Variants in ZNF628 observed in about 807,000 individuals in gnomAD.
ZNF628 encodes zinc finger protein 628, also known as zinc finger protein Zec.
A neutral mutation model predicts 2.5 loss-of-function variants in ZNF628; 3 were observed. That is an observed-to-expected ratio of 1.19 (90% CI 0.54 to 3.07). ZNF628 has a LOEUF of 3.07. Ranked by LOEUF, ZNF628 falls within the 30% of genes most tolerant of loss-of-function variation. The pLI is 0.03. For synonymous variants in ZNF628, 861 were observed against 717.1 expected (o/e 1.20, Z -3.21); for missense variants, 1,610 against 1,517.1 (o/e 1.06, Z -1.02).
chr19:55,482,612 G>A lies in ZNF628; in HGVS notation c.1419G>A (p.Leu473=), dbSNP rs1986761274. Residue 473 remains leucine, a synonymous_variant, in exon 3 of 3, where the codon CTG becomes CTA. Coordinates refer to ENST00000598519, the MANE Select transcript of ZNF628 (RefSeq NM_033113.3). ...FKGSSGLRYH[L]RDHTGERPYQ... Reference sequence around the variant, plus strand: ...GCTCCTCCGGGCTGCGCTACCACCTGCGGGACCACACGGGCGAGCGGCCCT... The same window carrying A: ...GCTCCTCCGGGCTGCGCTACCACCTACGGGACCACACGGGCGAGCGGCCCT... The A allele has an allele frequency of 3.7e-6, 6 of 1,607,286 alleles. No homozygotes were observed. The highest frequency in any genetic ancestry group is 5.1e-6 in the Non-Finnish European group (6 of 1,178,074).
rs1986657901 is a variant in ZNF628 at position 55,479,997 on chromosome 19, G to T, written c.7+80G>T. 2.5e-6 allele frequency: 1 copy of T among 398,728 alleles called. No individual in the cohort carries two copies. Among genetic ancestry groups the T allele is most frequent in the Non-Finnish European group, 4.4e-6 (1 of 226,016 alleles). 24.7% of individuals were successfully genotyped at this position (398,728 alleles called of 1,614,324 possible). On this transcript the variant is annotated intron_variant, in intron 2 of 2. Transcript: ENST00000598519. The surrounding 1 kb of genome is among the most constrained non-coding windows in gnomAD (Gnocchi z 5.1). The stretch of plus-strand genomic sequence containing the variant: ...TGATGGTGAGGGGGCCGCAGATTTT[G>T]TGGGCTTGAAGGGAAAGTGAGACTG...
intron 1 of ZNF628, among the ~76,000 whole-genome samples, chr19:55,478,360 A>G (rs991844483): frequency 2.0e-5 from 3 of 152,188 alleles, no homozygotes; most frequent in African/African-American, 7.2e-5. Context: ...GAAGACTCGG[A>G]GGTGAAAGAG....
Position 55,484,208 on chromosome 19 carries a change from G to A in ZNF628, c.3015G>A (p.Pro1005=), listed in dbSNP as rs761135095. 3.9e-6 allele frequency: 6 copies of A among 1,546,454 alleles called. No homozygotes were observed. Among genetic ancestry groups the A allele is most frequent in the Non-Finnish European group, 4.4e-6 (5 of 1,145,730 alleles). Residue 1005 remains proline, a synonymous_variant, in exon 3 of 3, where the codon CCG becomes CCA. Transcript: ENST00000598519. The part of the protein sequence containing the change: ...TATLQLLAPP[P]SGPASGPAGL... Reference sequence around the variant, plus strand: ...CGCTGCAGCTCCTGGCCCCACCGCCGTCAGGCCCAGCCTCGGGCCCCGCGG... The same window carrying A: ...CGCTGCAGCTCCTGGCCCCACCGCCATCAGGCCCAGCCTCGGGCCCCGCGG...
chr19:55,479,852 G>T lies in ZNF628; in HGVS notation c.-59G>T. 1 of 400,088 alleles carries T rather than the reference G, an allele frequency of 2.5e-6. No homozygotes were observed. Among genetic ancestry groups the T allele is most frequent in the Admixed American group, 4.4e-5 (1 of 22,752 alleles). 24.8% of individuals were successfully genotyped at this position (400,088 alleles called of 1,614,324 possible). ...TTCACAGAGGCATGATCAAGGACAG[G>T]GTTGCCTGCCAAGAACAGGAGGGGA... On this transcript the variant is annotated 5_prime_UTR_variant, in exon 2 of 3. Transcript: ENST00000598519. The surrounding 1 kb of genome is among the most constrained non-coding windows in gnomAD (Gnocchi z 5.1).
Position 55,482,455 on chromosome 19 carries a change from C to G in ZNF628, c.1262C>G (p.Ala421Gly). 1 of 1,389,262 alleles carries G rather than the reference C, an allele frequency of 7.2e-7. No individual in the cohort carries two copies. The highest frequency in any genetic ancestry group is 9.3e-7 in the Non-Finnish European group (1 of 1,078,526). The allele number at this position is 1,389,262 out of a possible 1,614,324, so 86.1% of individuals were successfully genotyped here. Residue 421 changes from alanine to glycine, a missense_variant, in exon 3 of 3, where the codon GCT becomes GGT. Physicochemically the swap from Ala to Gly is moderately conservative, Grantham distance 60. This residue lies in a region of ZNF628 where 651 missense variants were observed against 575.6 expected (regional missense o/e 1.13). Transcript: ENST00000598519. ...EAAAGRPPPQ[A>G]EAAEVTCPQE... ...GCGGCCGGGCGCCCGCCCCCGCAGG[C>G]TGAGGCTGCGGAGGTGACCTGCCCC...
At position 55,483,078 on chromosome 19, in the gene ZNF628, C is replaced by G. The variant is rs777873726; in HGVS notation, c.1885C>G (p.Arg629Gly). The change falls in exon 3 of 3, where the codon CGC becomes GGC. Residue 629 changes from arginine to glycine, a missense_variant. This residue lies in a region of ZNF628 where 712 missense variants were observed against 603.6 expected (regional missense o/e 1.18). Coordinates refer to ENST00000598519, the MANE Select transcript of ZNF628 (RefSeq NM_033113.3). Reference sequence around the variant, plus strand: ...CCCCTTCACCTGCCCCATCTGCGGTCGCGGCTTCGTTATGGCCGCCTATCT... The same window carrying G: ...CCCCTTCACCTGCCCCATCTGCGGTGGCGGCTTCGTTATGGCCGCCTATCT... The part of the protein sequence containing the change: ...ERPFTCPICG[R>G]GFVMAAYLQR... The G allele has an allele frequency of 6.2e-7, 1 of 1,609,064 alleles. No individual in the cohort carries two copies. Among genetic ancestry groups the G allele is most frequent in the Non-Finnish European group, 8.5e-7 (1 of 1,179,348 alleles).
Position 55,481,783 on chromosome 19 carries a change from T to A in ZNF628, c.590T>A (p.Val197Glu), listed in dbSNP as rs1383142412. 3 of 1,603,558 alleles carry A rather than the reference T, an allele frequency of 1.9e-6. No individual in the cohort carries two copies. Among genetic ancestry groups the A allele is most frequent in the Non-Finnish European group, 2.6e-6 (3 of 1,176,222 alleles). The change falls in exon 3 of 3, where the codon GTG (valine) becomes GAG (glutamate). Residue 197 changes from valine to glutamate, a missense_variant. Val to Glu is a moderately radical substitution (Grantham distance 121). This residue lies in a region of ZNF628 where 166 missense variants were observed against 241.3 expected (regional missense o/e 0.69). Coordinates refer to ENST00000598519, the MANE Select transcript of ZNF628 (RefSeq NM_033113.3). ...QSTNLRQHQR[V>E]HTGERPFRCP... ...ACCAACCTGCGGCAGCACCAGCGCG[T>A]GCACACGGGCGAGCGGCCCTTCCGC...
chr19:55,484,425 C>A lies in ZNF628; in HGVS notation c.*52C>A, dbSNP rs575076296. The A allele has an allele frequency of 1.2e-5, 16 of 1,391,270 alleles. No individual in the cohort carries two copies. The East Asian group carries it at 2.4e-4, about 21-fold the overall frequency. 86.2% of individuals were successfully genotyped at this position (1,391,270 alleles called of 1,614,324 possible). A position where few individuals can be genotyped will look rare whatever the true frequency, so the allele number is the denominator to read the frequency against. On this transcript the variant is annotated 3_prime_UTR_variant, in exon 3 of 3. Transcript: ENST00000598519. ...CCGCACAGAGACCCCGACTCACTGC[C>A]AGCCGGGGCGGGGCAGGGTGCCGCA...
chr19:55,479,106 G>A lies in ZNF628; in HGVS notation c.-77-728G>A, dbSNP rs747852141. ...GAGGACAGACAGAGGACAAAGTGGTGCCGGAGCCCCGGGCGCTCCCACATC... is the reference window on the plus strand; with the variant it reads ...GAGGACAGACAGAGGACAAAGTGGTACCGGAGCCCCGGGCGCTCCCACATC... On this transcript the variant is annotated intron_variant, in intron 1 of 2. Transcript: ENST00000598519. This position sits in a 1 kb window ranked among gnomAD's most constrained non-coding sequence, Gnocchi z 5.1. 2.9e-4 allele frequency among the ~76,000 whole-genome samples: 44 copies of A among 152,140 alleles called. No homozygotes were observed. Among genetic ancestry groups the A allele is most frequent in the Non-Finnish European group, 4.9e-4 (33 of 68,030 alleles).
chr19:55,484,448 G>C lies in ZNF628; in HGVS notation c.*75G>C. The C allele has an allele frequency of 7.7e-7, 1 of 1,303,122 alleles. No homozygotes were observed. Among genetic ancestry groups the C allele is most frequent in the African/African-American group, 1.5e-5 (1 of 66,684 alleles). 80.7% of individuals were successfully genotyped at this position (1,303,122 alleles called of 1,614,324 possible). On this transcript the variant is annotated 3_prime_UTR_variant, in exon 3 of 3. Coordinates refer to ENST00000598519, the MANE Select transcript of ZNF628 (RefSeq NM_033113.3). Reference sequence around the variant, plus strand: ...GCCAGCCGGGGCGGGGCAGGGTGCCGCAGGCTGGGCTTGCTAATAAAGACC... The same window carrying C: ...GCCAGCCGGGGCGGGGCAGGGTGCCCCAGGCTGGGCTTGCTAATAAAGACC...
In ZNF628 at chr19:55,481,557, T is replaced by C; in HGVS notation, c.364T>C (p.Cys122Arg). Residue 122 changes from cysteine to arginine, a missense_variant, in exon 3 of 3, where the codon TGC becomes CGC. By Grantham distance (180) the Cys-to-Arg change is radical. Transcript: ENST00000598519. Reference protein sequence around the residue: ...SVHTGLRAFICGQCGLAFKWS... With the variant: ...SVHTGLRAFIRGQCGLAFKWS... ...GCACACCGGCCTGCGGGCCTTCATCTGCGGCCAGTGCGGCCTGGCCTTCAA... is the reference window on the plus strand; with the variant it reads ...GCACACCGGCCTGCGGGCCTTCATCCGCGGCCAGTGCGGCCTGGCCTTCAA... 1.2e-6 allele frequency: 2 copies of C among 1,613,364 alleles called. No individual in the cohort carries two copies. The highest frequency in any genetic ancestry group is 1.7e-6 in the Non-Finnish European group (2 of 1,179,694).
At position 55,479,865 on chromosome 19, in the gene ZNF628, G is replaced by A. The variant is rs956000570; in HGVS notation, c.-46G>A. The A allele has an allele frequency of 5.0e-6, 2 of 400,874 alleles. No individual in the cohort carries two copies. The highest frequency in any genetic ancestry group is 3.5e-5 in the East Asian group (1 of 28,370). The allele number at this position is 400,874 out of a possible 1,614,324, so 24.8% of individuals were successfully genotyped here. On this transcript the variant is annotated 5_prime_UTR_variant, in exon 2 of 3. Transcript: ENST00000598519. This position sits in a 1 kb window ranked among gnomAD's most constrained non-coding sequence, Gnocchi z 5.1. Reference sequence around the variant, plus strand: ...GATCAAGGACAGGGTTGCCTGCCAAGAACAGGAGGGGAGAGGAGGGGCTGG... The same window carrying A: ...GATCAAGGACAGGGTTGCCTGCCAAAAACAGGAGGGGAGAGGAGGGGCTGG...
rs1446961592 is a variant in ZNF628 at position 55,483,488 on chromosome 19, G to C, written c.2295G>C (p.Gly765=). ...GRARQGPRAV[G]KAGQGAGVVW... is the part of the protein sequence containing the mutation. ...CAAGGCAGGGCCCGCGGGCAGTGGG[G>C]AAAGCGGGCCAGGGGGCGGGAGTGG... The change falls in exon 3 of 3, where the codon GGG becomes GGC. Residue 765 remains glycine (G), a synonymous_variant. Transcript: ENST00000598519. 1 of 1,534,622 alleles carries C rather than the reference G, an allele frequency of 6.5e-7. No individual in the cohort carries two copies. The highest frequency in any genetic ancestry group is 8.8e-7 in the Non-Finnish European group (1 of 1,142,794).
rs767545312 is a variant in ZNF628, at chr19:55,483,177, C to T, written c.1984C>T (p.Pro662Ser). The change falls in exon 3 of 3, where the codon CCC becomes TCC. Residue 662 changes from proline (P) to serine (S), a missense_variant. By Grantham distance (74) the Pro-to-Ser change is moderately conservative. Coordinates refer to ENST00000598519, the MANE Select transcript of ZNF628 (RefSeq NM_033113.3). ...CACAGCCCCTGCCGCCGGCCCCCAG[C>T]CCCCTGCTCCACTGGCTGCTGCGCG... is the stretch of plus-strand genomic sequence containing the variant. ...STTAPAAGPQ[P>S]PAPLAAARAP... 62 of 1,548,196 alleles carry T rather than the reference C, an allele frequency of 4.0e-5. No individual in the cohort carries two copies. In the African/African-American group the frequency reaches 7.1e-4, roughly 18 times the overall value.
chr19:55,482,655 G>C lies in ZNF628; in HGVS notation c.1462G>C (p.Gly488Arg). ...GCGGCCCTACCAGTGTGGCGAGTGC[G>C]GCAAGGCCTTCAAGCGCTCCTCCCT... ...GERPYQCGEC[G>R]KAFKRSSLLA... Residue 488 changes from glycine to arginine, a missense_variant, in exon 3 of 3, where the codon GGC becomes CGC. Gly to Arg is a moderately radical substitution (Grantham distance 125). Coordinates refer to ENST00000598519, the MANE Select transcript of ZNF628 (RefSeq NM_033113.3). 6.2e-7 allele frequency: 1 copy of C among 1,608,614 alleles called. No homozygotes were observed. The highest frequency in any genetic ancestry group is 8.5e-7 in the Non-Finnish European group (1 of 1,178,518).
chr19:55,477,237 A>T (rs1311934507), intron 1 of ZNF628, among the ~76,000 whole-genome samples: 1 of 152,174 alleles, frequency 6.6e-6, no homozygotes, highest in Non-Finnish European at 1.5e-5. Flanking sequence ...GCGGCCTTTT[A>T]AAGGGGATGT....
Position 55,483,008 on chromosome 19 carries a change from C to T in ZNF628, c.1815C>T (p.His605=). The stretch of plus-strand genomic sequence containing the variant: ...CGCTCTGCCCCAAGACCTTCACCCA[C>T]TCCTCCAACCTGCTGCTGCACCAGC... The part of the protein sequence containing the change: ...RCPLCPKTFT[H]SSNLLLHQRT... Residue 605 remains histidine, a synonymous_variant, in exon 3 of 3, where the codon CAC becomes CAT. Transcript: ENST00000598519. The T allele has an allele frequency of 6.2e-7, 1 of 1,612,162 alleles. No individual in the cohort carries two copies. The highest frequency in any genetic ancestry group is 8.5e-7 in the Non-Finnish European group (1 of 1,179,480).
rs773223817 is a variant in ZNF628 at position 55,483,923 on chromosome 19, G to A, written c.2730G>A (p.Gly910=). 50 of 1,579,312 alleles carry A rather than the reference G, an allele frequency of 3.2e-5. No homozygotes were observed. Among genetic ancestry groups the A allele is most frequent in the Non-Finnish European group, 4.3e-5 (50 of 1,161,814 alleles). Residue 910 remains glycine (G), a synonymous_variant, in exon 3 of 3, where the codon GGG becomes GGA. Transcript: ENST00000598519. ...CTGGCCCGGGCCCCGGGGAGGCGGG[G>A]GATGGCGAGGCCAGCACTGGTGTGG... ...LLTGPGPGEA[G]DGEASTGVVQ...
Position 55,483,744 on chromosome 19 carries a change from G to A in ZNF628, c.2551G>A (p.Val851Ile). Reference protein sequence around the residue: ...TTVQLQPAQEVTTVQLQPAQE... With the variant: ...TTVQLQPAQEITTVQLQPAQE... Reference sequence around the variant, plus strand: ...AGTCCAGCTCCAGCCAGCACAGGAAGTAACCACGGTCCAGCTCCAGCCAGC... The same window carrying A: ...AGTCCAGCTCCAGCCAGCACAGGAAATAACCACGGTCCAGCTCCAGCCAGC... Residue 851 changes from valine (V) to isoleucine (I), a missense_variant, in exon 3 of 3, where the codon GTA (valine) becomes ATA (isoleucine). By Grantham distance (29) the Val-to-Ile change is conservative. This residue lies in a region of ZNF628 where 712 missense variants were observed against 603.6 expected (regional missense o/e 1.18). Transcript: ENST00000598519. The A allele has an allele frequency of 2.5e-6, 4 of 1,612,980 alleles. No individual in the cohort carries two copies. The highest frequency in any genetic ancestry group is 3.3e-4 in the Middle Eastern group (2 of 6,040).
Sources: gnomAD v4.1 joint callset for allele counts (sites outside exome capture counted in the v4.1 genomes callset) on GRCh38, gnomAD v4.1.1 for gene constraint, gnomAD v4.1.1 regional missense constraint, Gnocchi (gnomAD v3.1) non-coding constraint, MANE v1.5 for transcripts, NCBI Gene and HGNC (gene_info 2026-07-23, HGNC 2026-07-21) for gene names.